PDZRN3: variants seen among roughly 807,000 people sequenced by gnomAD.
The protein encoded by PDZRN3 is E3 ubiquitin-protein ligase PDZRN3.
A neutral mutation model predicts 85.7 loss-of-function variants in PDZRN3; 38 were observed. That is an observed-to-expected ratio of 0.44 (90% CI 0.34 to 0.58). The LOEUF (loss-of-function observed/expected upper bound fraction) is 0.58. Ranked by LOEUF, PDZRN3 falls within the 20% of genes least tolerant of loss-of-function variation. The pLI, the probability that PDZRN3 is intolerant of heterozygous loss-of-function variation, is 0.01. For missense variants in PDZRN3, 1,629 were observed against 1,506.4 expected (o/e 1.08, Z -1.35); for synonymous variants, 759 against 638.0 (o/e 1.19, Z -2.86).
At chr3:73,512,179 G>A (rs1206929008) in intron 3 of PDZRN3, among the ~76,000 whole-genome samples, 2 of 152,300 alleles carry the variant, frequency 1.3e-5, no homozygotes, top group East Asian at 1.9e-4. Context: ...GGGAAGCTGC[G>A]TGATTCTTCA....
chr3:73,529,481 G>A (rs373138014), intron 3 of PDZRN3, among the ~76,000 whole-genome samples: 48 of 152,284 alleles, frequency 3.2e-4, no homozygotes, highest in African/African-American at 1.0e-3. Context: ...CAGTGAGAAC[G>A]TTTGCACTGC....
rs542719140 is a variant in PDZRN3 at position 73,384,610 on chromosome 3, G to C, written c.1956C>G (p.Leu652=). Reference sequence around the variant, plus strand: ...GGGTGGCGCTCTTCACCTGGCACTTGAGCTCCAGGAGCTCGCGGAAGCGCT... The same window carrying C: ...GGGTGGCGCTCTTCACCTGGCACTTCAGCTCCAGGAGCTCGCGGAAGCGCT... ...ECERFRELLE[L]KCQVKSATPY... Residue 652 remains leucine, a synonymous_variant, in exon 10 of 10, where the codon CTC becomes CTG. Transcript: ENST00000263666. 6.2e-7 allele frequency: 1 copy of C among 1,613,826 alleles called. No individual in the cohort carries two copies. The highest frequency in any genetic ancestry group is 1.1e-5 in the South Asian group (1 of 91,084).
intron 3 of PDZRN3, among the ~76,000 whole-genome samples, chr3:73,533,710 G>A (rs775310921): frequency 3.3e-5 from 5 of 152,140 alleles, no homozygotes; most frequent in African/African-American, 9.7e-5. Flanking sequence ...CTTACAAGGT[G>A]TAATACACAA....
At chr3:73,423,643 AGTT>A (rs1273071874) in intron 3 of PDZRN3, among the ~76,000 whole-genome samples, 1 of 152,216 alleles carries the variant, frequency 6.6e-6, no homozygotes, top group African/African-American at 2.4e-5. Flanking sequence ...CAAATGTTAC[AGTT>A]TGAGAAAATC....
chr3:73,446,946 C>T (rs1702759168), intron 3 of PDZRN3, among the ~76,000 whole-genome samples: 1 of 151,472 alleles, frequency 6.6e-6, no homozygotes, highest in Admixed American at 6.6e-5. Context: ...CTTGCTGCAG[C>T]CCTCTGGTGA....
rs1703282906 is a variant in PDZRN3 at position 73,383,159 on chromosome 3, T to C, written c.*206A>G. ...TTGAAAAAAGCTCTGTTTGTTAATA[T>C]TGCCTTCCAAGATAGTAAGGGTGTT... On this transcript the variant is annotated 3_prime_UTR_variant, in exon 10 of 10. Coordinates refer to ENST00000263666, the MANE Select transcript of PDZRN3 (RefSeq NM_015009.3). 3 of 497,184 alleles carry C rather than the reference T, an allele frequency of 6.0e-6. No individual in the cohort carries two copies. Among genetic ancestry groups the C allele is most frequent in the Non-Finnish European group, 1.0e-5 (3 of 286,558 alleles). 30.8% of individuals were successfully genotyped at this position (497,184 alleles called of 1,614,324 possible).
intron 3 of PDZRN3, among the ~76,000 whole-genome samples, chr3:73,557,145 C>T (rs957647884): frequency 1.3e-5 from 2 of 152,196 alleles, no homozygotes; most frequent in Non-Finnish European, 2.9e-5. Context: ...CCCTTTCACC[C>T]TGTCCTCCCA....
Position 73,440,485 on chromosome 3 carries a change from T to C in PDZRN3, c.919-36090A>G, listed in dbSNP as rs199502570. On this transcript the variant is annotated intron_variant, in intron 3 of 9. Transcript: ENST00000263666. ...TTTGATGCGCCTTGATGTCACAACA[T>C]GCAGCCCAAGCTGAGGGGCCTGAGG... Among the ~76,000 whole-genome samples, 10 of 152,316 alleles carry C rather than the reference T, an allele frequency of 6.6e-5. No homozygotes were observed. The East Asian group carries it at 1.9e-3, about 29-fold the overall frequency.
At chr3:73,459,657 G>A (rs186219783) in intron 3 of PDZRN3, among the ~76,000 whole-genome samples, 20 of 152,150 alleles carry the variant, frequency 1.3e-4, no homozygotes, top group African/African-American at 3.9e-4. Context: ...CCCCCAACTC[G>A]ATCCATGCTC....
chr3:73,395,657 G>A (rs532365346), intron 5 of PDZRN3, among the ~76,000 whole-genome samples: 17 of 152,282 alleles, frequency 1.1e-4, no homozygotes, highest in African/African-American at 4.1e-4. Flanking sequence ...ACTGGTCCAG[G>A]TTGCTGTGCA....
At chr3:73,521,191 G>C (rs1355016324) in intron 3 of PDZRN3, among the ~76,000 whole-genome samples, 1 of 152,136 alleles carries the variant, frequency 6.6e-6, no homozygotes, top group African/African-American at 2.4e-5. Flanking sequence ...CTCGTTAAAC[G>C]GGTTGTTGTG....
chr3:73,590,427 C>T (rs1702341160), intron 3 of PDZRN3, among the ~76,000 whole-genome samples: 4 of 152,132 alleles, frequency 2.6e-5, no homozygotes, highest in Admixed American at 1.3e-4. Flanking sequence ...TCTAACTTGG[C>T]ACTTAGTGCC....
At chr3:73,434,463 A>C (rs1344839425) in intron 3 of PDZRN3, among the ~76,000 whole-genome samples, 1 of 152,222 alleles carries the variant, frequency 6.6e-6, no homozygotes, top group Non-Finnish European at 1.5e-5. Context: ...AAATTGCAGG[A>C]TATATCCATG....
At chr3:73,502,687 G>A (rs906924207) in intron 3 of PDZRN3, among the ~76,000 whole-genome samples, 1 of 152,214 alleles carries the variant, frequency 6.6e-6, no homozygotes, top group Non-Finnish European at 1.5e-5. Context: ...CAACAGTACA[G>A]CTATAGAGAA....
At chr3:73,547,499 A>G (rs1339704529) in intron 3 of PDZRN3, among the ~76,000 whole-genome samples, 1 of 152,228 alleles carries the variant, frequency 6.6e-6, no homozygotes, top group Non-Finnish European at 1.5e-5. Flanking sequence ...AGTGGCCTGC[A>G]AGCGGGTAGA....
chr3:73,605,400 A>T (rs1210926684), intron 2 of PDZRN3, among the ~76,000 whole-genome samples: 1 of 152,214 alleles, frequency 6.6e-6, no homozygotes, highest in Admixed American at 6.5e-5. Context: ...AGGGTACCTA[A>T]CGATAAAGTA....
intron 3 of PDZRN3, among the ~76,000 whole-genome samples, chr3:73,516,444 G>C (rs961487652): frequency 2.0e-5 from 3 of 152,124 alleles, no homozygotes; most frequent in African/African-American, 7.2e-5. Flanking sequence ...AATTATGAAT[G>C]AAGTTGAGTA....
At chr3:73,400,404 G>A (rs940632616) in intron 5 of PDZRN3, among the ~76,000 whole-genome samples, 1 of 152,098 alleles carries the variant, frequency 6.6e-6, no homozygotes, top group African/African-American at 2.4e-5. Context: ...TTCCTGTGTG[G>A]CCTCAAATAA....
At chr3:73,563,003 ATATATATATATTTTT>A (rs1242531309) in intron 3 of PDZRN3, among the ~76,000 whole-genome samples, 14 of 37,126 alleles carry the variant, frequency 3.8e-4, no homozygotes, top group African/African-American at 1.3e-3. Context: ...ATATATATAT[ATATATATATATTTTT>A]TTTTTTTTTT....
Sources: allele counts gnomAD v4.1 joint callset (sites outside exome capture counted in the v4.1 genomes callset), GRCh38; gene constraint gnomAD v4.1.1; transcripts MANE v1.5; gene names NCBI Gene and HGNC (gene_info 2026-07-23, HGNC 2026-07-21).